ANO1: variants seen among roughly 807,000 people sequenced by gnomAD.
ANO1 encodes the protein anoctamin 1.
Under a neutral mutation model 124.0 loss-of-function variants are expected in ANO1, and 59 were observed. The ratio of observed to expected loss-of-function variants is 0.48; its 90% CI spans 0.39 to 0.59. The LOEUF is 0.59. Among genes scored for constraint, ANO1 ranks in the 20% least tolerant of loss-of-function variants. The probability of loss-of-function intolerance (pLI) is 0.00; values close to 1 mark genes in which losing one functional copy is unlikely to be tolerated. For missense variants in ANO1, 1,059 were observed against 1,328.0 expected, an observed-to-expected ratio of 0.80 and a Z score of 3.15; for synonymous variants, 529 against 532.0, an observed-to-expected ratio of 0.99 and a Z score of 0.08.
chr11:70,183,133 G>A (rs2048992414), intron 24 of ANO1, among the ~76,000 whole-genome samples: 1 of 152,100 alleles, frequency 6.6e-6, no homozygotes, highest in African/African-American at 2.4e-5. Flanking sequence ...AATGCCTAAG[G>A]GGAGGAAATT....
intron 11 of ANO1, among the ~76,000 whole-genome samples, chr11:70,139,322 A>G (rs1230583942): frequency 6.6e-6 from 1 of 150,794 alleles, no homozygotes; most frequent in Non-Finnish European, 1.5e-5. Flanking sequence ...ATGCCCGGCT[A>G]ATTTTTCTAT....
upstream of ANO1, among the ~76,000 whole-genome samples, chr11:69,984,884 C>T (rs1554996699): frequency 6.6e-6 from 1 of 152,274 alleles, no homozygotes; most frequent in East Asian, 1.9e-4. Context: ...ACGGCCTCTC[C>T]TGTGGTCACG....
At chr11:70,046,635 C>T (rs1283704405) in intron 1 of ANO1, among the ~76,000 whole-genome samples, 35 of 152,092 alleles carry the variant, frequency 2.3e-4, no homozygotes, top group African/African-American at 8.4e-4. Context: ...GAGGATTTTG[C>T]TCTTCCAGGT....
chr11:70,004,354 A>C (rs1020883848), intron 1 of ANO1, among the ~76,000 whole-genome samples: 3 of 152,230 alleles, frequency 2.0e-5, no homozygotes, highest in African/African-American at 7.2e-5. Flanking sequence ...AATGGCTAAT[A>C]TTTGCTGTGT....
intron 10 of ANO1, chr11:70,129,762 T>C (rs2046671200): frequency 6.6e-6 from 1 of 152,248 alleles, no homozygotes; most frequent in African/African-American, 2.4e-5. Context: ...TAGCTGGGAT[T>C]ACAGGCTGGG....
intron 1 of ANO1, among the ~76,000 whole-genome samples, chr11:70,032,561 T>C (rs1174134411): frequency 1.3e-5 from 2 of 150,204 alleles, no homozygotes; most frequent in Non-Finnish European, 3.0e-5. Context: ...AAGGGTAGAA[T>C]CCGCAGAACC....
intron 1 of ANO1, among the ~76,000 whole-genome samples, chr11:70,004,194 C>T (rs1175012463): frequency 2.6e-5 from 4 of 152,206 alleles, no homozygotes; most frequent in Non-Finnish European, 5.9e-5. Flanking sequence ...GCGCTGTGTT[C>T]CCATCTTGTT....
At chr11:70,143,008 C>T (rs890234681) in intron 11 of ANO1, among the ~76,000 whole-genome samples, 4 of 152,146 alleles carry the variant, frequency 2.6e-5, no homozygotes, top group Non-Finnish European at 4.4e-5. Context: ...GGATGCAAGT[C>T]AGGCCAGAGC....
intron 7 of ANO1, 122 bp from the exon 8 acceptor site, chr11:70,116,336 A>G (rs2045973574): frequency 1.9e-6 from 2 of 1,036,428 alleles, no homozygotes; most frequent in African/African-American, 3.2e-5. Flanking sequence ...ATGTTGCCCC[A>G]GGATGATCTT....
intron 11 of ANO1, among the ~76,000 whole-genome samples, chr11:70,136,059 T>C (rs1565236800): frequency 6.6e-6 from 1 of 152,122 alleles, no homozygotes; most frequent in Non-Finnish European, 1.5e-5. Context: ...AGGTCGTCCT[T>C]TGAGAGGATG....
upstream of ANO1, among the ~76,000 whole-genome samples, chr11:69,982,582 G>C (rs1177693198): frequency 6.6e-6 from 1 of 152,196 alleles, no homozygotes; most frequent in Non-Finnish European, 1.5e-5. Flanking sequence ...CTGAATTCTT[G>C]TCCTATCCCT....
intron 1 of ANO1, among the ~76,000 whole-genome samples, chr11:70,043,429 T>TA (rs1210533875): frequency 2.6e-5 from 4 of 152,114 alleles, no homozygotes; most frequent in Non-Finnish European, 4.4e-5. Context: ...GAAAAAGTGA[T>TA]AAAAAACTTT....
At chr11:70,012,454 C>G (rs1856615189) in intron 1 of ANO1, among the ~76,000 whole-genome samples, 1 of 151,622 alleles carries the variant, frequency 6.6e-6, no homozygotes, top group Non-Finnish European at 1.5e-5. Flanking sequence ...ATTCATCTAT[C>G]TATTTGTCCA....
the ANO1 span, among the ~76,000 whole-genome samples, chr11:69,966,387 T>G: frequency 1.8e-4 from 27 of 152,154 alleles, no homozygotes; most frequent in African/African-American, 6.5e-4. Flanking sequence ...GCCACCTGGT[T>G]TTCAGCCTTC....
At chr11:70,057,810 T>C (rs546420614) in intron 1 of ANO1, among the ~76,000 whole-genome samples, 41 of 152,304 alleles carry the variant, frequency 2.7e-4, no homozygotes, top group African/African-American at 9.9e-4. Flanking sequence ...TCTAGATGTA[T>C]ACCTGCAGGT....
At chr11:70,169,853 T>C in intron 21 of ANO1, 1 of 231,254 alleles carries the variant, frequency 4.3e-6, no homozygotes, top group Non-Finnish European at 8.8e-6. Flanking sequence ...CACGGTGACA[T>C]TCTGCTGGCT....
intron 1 of ANO1, among the ~76,000 whole-genome samples, chr11:69,994,792 T>G: frequency 6.6e-6 from 1 of 152,320 alleles, no homozygotes; most frequent in South Asian, 2.1e-4. Context: ...TGTTTCTACA[T>G]AATGACACAA....
chr11:70,149,443 G>A (rs2047510682), intron 11 of ANO1: 1 of 411,980 alleles, frequency 2.4e-6, no homozygotes, highest in South Asian at 2.2e-5. Context: ...CTGAGGTCAG[G>A]AGTTCGAGAC....
chr11:70,188,026 G>A lies in ANO1; in HGVS notation c.*22G>A, dbSNP rs376732221. On this transcript the variant is annotated 3_prime_UTR_variant, in exon 26 of 26. Coordinates refer to ENST00000355303, the MANE Select transcript of ANO1 (RefSeq NM_018043.7). ...GTAGCTATGCCAGCGGGGCTGGGCA[G>A]GCCAGCCGGGCATCCTGACCGATGG... 90 of 1,543,974 alleles carry A rather than the reference G, an allele frequency of 5.8e-5. No individual in the cohort carries two copies. The highest frequency in any genetic ancestry group is 5.2e-5 in the Non-Finnish European group (59 of 1,145,136).
Sources: allele counts gnomAD v4.1 joint callset (sites outside exome capture counted in the v4.1 genomes callset), GRCh38; gene constraint gnomAD v4.1.1; transcripts MANE v1.5; gene names NCBI Gene and HGNC (gene_info 2026-07-23, HGNC 2026-07-21).